The following NEDD9 variants were observed in gnomAD, a reference collection of about 807,000 sequenced individuals.
NEDD9 encodes the protein enhancer of filamentation 1.
Under a neutral mutation model 76.6 loss-of-function variants are expected in NEDD9, and 26 were observed. The ratio of observed to expected loss-of-function variants is 0.34; its 90% CI spans 0.25 to 0.47. The LOEUF (loss-of-function observed/expected upper bound fraction) is 0.47, where lower values mean the gene tolerates loss of function less well. Ranked by LOEUF, NEDD9 falls within the 20% of genes least tolerant of loss-of-function variation. The pLI, the probability that NEDD9 is intolerant of heterozygous loss-of-function variation, is 1.00. For missense variants in NEDD9, 937 were observed against 1,058.5 expected, an observed-to-expected ratio of 0.89 and a Z score of 1.59; for synonymous variants, 392 against 414.2, an observed-to-expected ratio of 0.95 and a Z score of 0.65.
chr6:11,196,713 A>AT (rs1392743721), intron 2 of NEDD9, among the ~76,000 whole-genome samples: 1 of 152,008 alleles, frequency 6.6e-6, no homozygotes, highest in Non-Finnish European at 1.5e-5. Context: ...GCCACCACCG[A>AT]TTCCAGCCTT....
rs150551534 is a variant in NEDD9 at position 11,367,070 on chromosome 6, G to A, written c.-214+15069C>T. ...AACATTAAGAAAGGAGGGTTACCTC[G>A]AGAGGAGAACCGTATAAAGCTCAAT... is the stretch of plus-strand genomic sequence containing the variant. On this transcript the variant is annotated intron_variant, in intron 1 of 3. Coordinates refer to the NEDD9 transcript ENST00000397378. Among the ~76,000 whole-genome samples the A allele has an allele frequency of 2.1e-5, 3 of 143,646 alleles. No homozygotes were observed. The Admixed American group carries it at 2.1e-4, about 10-fold the overall frequency. The allele number at this position is 143,646 out of a possible 152,430, so 94.2% of individuals were successfully genotyped here.
At chr6:11,328,017 G>A (rs914004235) in intron 2 of NEDD9, among the ~76,000 whole-genome samples, 8 of 152,234 alleles carry the variant, frequency 5.3e-5, no homozygotes, top group Non-Finnish European at 1.2e-4. Context: ...ATAACAGTGG[G>A]TAAATCTGAG....
At chr6:11,291,267 G>GTTTTTTTTTTTT (rs869185428) in intron 3 of NEDD9, among the ~76,000 whole-genome samples, 4 of 95,824 alleles carry the variant, frequency 4.2e-5, no homozygotes, top group African/African-American at 1.0e-4. Context: ...ATAGAATGAG[G>GTTTTTTTTTTTT]TTTTTTTTTT....
At chr6:11,354,216 T>C (rs1582045456) in intron 1 of NEDD9, among the ~76,000 whole-genome samples, 1 of 152,202 alleles carries the variant, frequency 6.6e-6, no homozygotes, top group African/African-American at 2.4e-5. Flanking sequence ...CTATTTATTC[T>C]TTGTGTACAG....
At position 11,193,685 on chromosome 6, in the gene NEDD9, G is replaced by A. The variant is rs1243381653; in HGVS notation, c.467C>T (p.Thr156Ile). 3.1e-6 allele frequency: 5 copies of A among 1,613,132 alleles called. No individual in the cohort carries two copies. Among genetic ancestry groups the A allele is most frequent in the Non-Finnish European group, 4.2e-6 (5 of 1,179,282 alleles). ...SGPHVGKKVITPVRTGHGYVY... is the reference protein window; with the variant it reads ...SGPHVGKKVIIPVRTGHGYVY... ...GTAGCCATGGCCTGTCCTCACGGGG[G>A]TTATCACCTGTGGGAGAGAAGGCAC... The change falls in exon 3 of 7, where the codon ACC (threonine) becomes ATC (isoleucine). Residue 156 changes from threonine (T) to isoleucine (I), a missense_variant. Coordinates refer to ENST00000379446, the MANE Select transcript of NEDD9 (RefSeq NM_006403.4).
chr6:11,249,765 C>T (rs1411680992), intron 3 of NEDD9, among the ~76,000 whole-genome samples: 1 of 152,198 alleles, frequency 6.6e-6, no homozygotes, highest in Non-Finnish European at 1.5e-5. Flanking sequence ...TTTGGATAGA[C>T]CTCTGCTCAT....
At chr6:11,351,146 G>T (rs1251452149) in intron 1 of NEDD9, among the ~76,000 whole-genome samples, 1 of 152,146 alleles carries the variant, frequency 6.6e-6, no homozygotes, top group African/African-American at 2.4e-5. Flanking sequence ...AGAGTTTACA[G>T]CATGTGCGAG....
chr6:11,221,048 C>A (rs898772145), intron 1 of NEDD9, among the ~76,000 whole-genome samples: 6 of 152,148 alleles, frequency 3.9e-5, no homozygotes, highest in African/African-American at 1.4e-4. Context: ...TTTCACTCAT[C>A]TGTGGTCTTT....
chr6:11,314,451 G>C (rs929459001), intron 2 of NEDD9, among the ~76,000 whole-genome samples: 3 of 152,158 alleles, frequency 2.0e-5, no homozygotes, highest in Non-Finnish European at 4.4e-5. Context: ...GCGTACTCTT[G>C]GACCAAGCAT....
intron 6 of NEDD9, 91 bp downstream of exon 6, chr6:11,188,127 A>C: frequency 9.7e-7 from 1 of 1,031,344 alleles, no homozygotes; most frequent in Admixed American, 1.8e-5. Context: ...TGGAAGAATC[A>C]AAATCATAAT....
Position 11,220,351 on chromosome 6 carries a change from G to A in NEDD9, c.13-6624C>T, listed in dbSNP as rs779750504. Among the ~76,000 whole-genome samples the A allele has an allele frequency of 5.9e-5, 9 of 152,206 alleles. No individual in the cohort carries two copies. In the South Asian group the frequency reaches 8.3e-4, roughly 14 times the overall value. On this transcript the variant is annotated intron_variant, in intron 1 of 6. Coordinates refer to ENST00000379446, the MANE Select transcript of NEDD9 (RefSeq NM_006403.4). The stretch of plus-strand genomic sequence containing the variant: ...ATCTTGACGTCATTCACTTTGCCCC[G>A]AGTCCTCAAGTTTTCTTAGATTTTC...
chr6:11,282,832 A>G (rs1483798845), intron 3 of NEDD9, among the ~76,000 whole-genome samples: 1 of 152,172 alleles, frequency 6.6e-6, no homozygotes, highest in Non-Finnish European at 1.5e-5. Flanking sequence ...TGTTCTAGGT[A>G]TATCGGCCCA....
chr6:11,190,764 A>G lies in NEDD9; in HGVS notation c.1105T>C (p.Ser369Pro). ...CGGGTGCTGCCTGTACTGGAGAAAG[A>G]CAATCGGTTGATCCCATCCACCAAG... is the stretch of plus-strand genomic sequence containing the variant. ...RDLVDGINRL[S>P]FSSTGSTRSN... The change falls in exon 5 of 7, where the codon TCT becomes CCT. Residue 369 changes from serine (S) to proline (P), a missense_variant. Physicochemically the swap from Ser to Pro is moderately conservative, Grantham distance 74 (BLOSUM62 -1). Transcript: ENST00000379446. The surrounding 1 kb of genome is among the most constrained non-coding windows in gnomAD (Gnocchi z 5.8). The G allele has an allele frequency of 6.2e-7, 1 of 1,614,168 alleles. No individual in the cohort carries two copies. The highest frequency in any genetic ancestry group is 8.5e-7 in the Non-Finnish European group (1 of 1,180,034).
At chr6:11,378,445 T>A (rs1272634962) in intron 1 of NEDD9, among the ~76,000 whole-genome samples, 1 of 152,184 alleles carries the variant, frequency 6.6e-6, no homozygotes, top group East Asian at 1.9e-4. Context: ...CTTTGCAGAT[T>A]ACCCAGCCTC....
intron 1 of NEDD9, among the ~76,000 whole-genome samples, chr6:11,362,693 C>T (rs899253562): frequency 3.9e-5 from 6 of 152,228 alleles, no homozygotes; most frequent in African/African-American, 1.2e-4. Context: ...AGGAAATAGT[C>T]ACCTACTCAC....
chr6:11,295,169 A>T (rs918813357), intron 3 of NEDD9, among the ~76,000 whole-genome samples: 1 of 152,214 alleles, frequency 6.6e-6, no homozygotes, highest in African/African-American at 2.4e-5. Flanking sequence ...AGACTAATAC[A>T]ATTAGTGATA....
At chr6:11,262,781 G>A (rs934970190) in intron 3 of NEDD9, among the ~76,000 whole-genome samples, 3 of 152,238 alleles carry the variant, frequency 2.0e-5, no homozygotes, top group Admixed American at 6.5e-5. Flanking sequence ...GTATGTGGAT[G>A]AACAGAGCTA....
intron 3 of NEDD9, among the ~76,000 whole-genome samples, chr6:11,291,855 T>C (rs1370294115): frequency 6.6e-6 from 1 of 152,174 alleles, no homozygotes; most frequent in East Asian, 1.9e-4. Flanking sequence ...AAACTCAGAA[T>C]GTCTTGTTAT....
upstream of NEDD9, chr6:11,382,347 G>A (rs1307468809): frequency 6.6e-6 from 1 of 152,262 alleles, no homozygotes; most frequent in African/African-American, 2.4e-5. Context: ...ATATGTATGT[G>A]TGTGTTTTTC....
Sources: allele counts gnomAD v4.1 joint callset (sites outside exome capture counted in the v4.1 genomes callset), GRCh38; gene constraint gnomAD v4.1.1; non-coding constraint Gnocchi (gnomAD v3.1); transcripts MANE v1.5; gene names NCBI Gene and HGNC (gene_info 2026-07-23, HGNC 2026-07-21).